Variants in KCNH7 observed in about 807,000 individuals in gnomAD.
KCNH7 encodes potassium voltage-gated channel subfamily H member 7.
In KCNH7, 49 loss-of-function variants were observed where a neutral mutation model predicts 120.8. That is an observed-to-expected ratio of 0.41 (90% CI 0.32 to 0.51). The LOEUF (loss-of-function observed/expected upper bound fraction) is 0.51. Among genes scored for constraint, KCNH7 ranks in the 20% least tolerant of loss-of-function variants. KCNH7 has a pLI of 0.38. For synonymous variants in KCNH7, 547 were observed against 516.1 expected (o/e 1.06, Z -0.81); for missense variants, 1,097 against 1,446.6 (o/e 0.76, Z 3.92).
intron 2 of KCNH7, among the ~76,000 whole-genome samples, chr2:162,620,094 A>G (rs1301274775): frequency 6.6e-6 from 1 of 151,280 alleles, no homozygotes; most frequent in Admixed American, 6.6e-5. Context: ...TATTCTCTCT[A>G]TAAAAAATCT....
At chr2:162,609,441 G>T (rs922072163) in intron 2 of KCNH7, among the ~76,000 whole-genome samples, 1 of 151,968 alleles carries the variant, frequency 6.6e-6, no homozygotes, top group Non-Finnish European at 1.5e-5. Flanking sequence ...ATACTTACAG[G>T]ATTTTTTAAG....
intron 2 of KCNH7, among the ~76,000 whole-genome samples, chr2:162,666,736 T>C (rs1413564489): frequency 6.6e-6 from 1 of 152,172 alleles, no homozygotes; most frequent in Non-Finnish European, 1.5e-5. Flanking sequence ...TTTGCTAACT[T>C]CTTGATCACA....
chr2:162,657,763 T>C (rs1015333194), intron 2 of KCNH7, among the ~76,000 whole-genome samples: 5 of 152,168 alleles, frequency 3.3e-5, no homozygotes, highest in South Asian at 2.1e-4. Flanking sequence ...TCTTCCAAAG[T>C]GACTGTACCA....
At chr2:162,749,058 T>C (rs1688451172) in intron 2 of KCNH7, among the ~76,000 whole-genome samples, 2 of 145,702 alleles carry the variant, frequency 1.4e-5, no homozygotes, top group Admixed American at 6.9e-5. Context: ...TTCTGAAGAG[T>C]TTTCAGAAGC....
chr2:162,448,297 G>C (rs1688653305), intron 6 of KCNH7, among the ~76,000 whole-genome samples: 1 of 152,140 alleles, frequency 6.6e-6, no homozygotes, highest in African/African-American at 2.4e-5. Context: ...AATATGTCAT[G>C]TTCCTTTCTA....
At chr2:162,373,322 G>T in intron 15 of KCNH7, 148 bp downstream of exon 15, 1 of 457,486 alleles carries the variant, frequency 2.2e-6, no homozygotes. Flanking sequence ...GCAGATTACA[G>T]GGCCCATTTC....
intron 2 of KCNH7, among the ~76,000 whole-genome samples, chr2:162,814,067 C>G (rs886819442): frequency 1.3e-5 from 2 of 152,080 alleles, no homozygotes; most frequent in African/African-American, 2.4e-5. Flanking sequence ...TGCCAAGCGA[C>G]CTTGGGCAAT....
Position 162,379,866 on chromosome 2 carries a change from C to A in KCNH7, c.3118G>T (p.Glu1040Ter). Residue 1040 changes from glutamate to a stop codon, truncating the protein, a stop_gained, in exon 14 of 16, where the codon GAG (glutamate) becomes TAG (stop). Coordinates refer to ENST00000332142, the MANE Select transcript of KCNH7 (RefSeq NM_033272.4). LOFTEE classifies it high-confidence loss of function. Reference protein sequence around the residue: ...EVEQRLDLLQEQLNRLESQMT... With the variant: ...EVEQRLDLLQ ...CACTGCTTATACCTGTTAAGTTGCT[C>A]CTGGAGCAGATCTAATCTTTGTTCC... 6.2e-7 allele frequency: 1 copy of A among 1,613,892 alleles called. No homozygotes were observed. Among genetic ancestry groups the A allele is most frequent in the Non-Finnish European group, 8.5e-7 (1 of 1,179,880 alleles).
At chr2:162,486,211 A>C (rs1484523141) in intron 6 of KCNH7, among the ~76,000 whole-genome samples, 1 of 152,138 alleles carries the variant, frequency 6.6e-6, no homozygotes, top group Non-Finnish European at 1.5e-5. Flanking sequence ...TGGGCCATTA[A>C]AGTGACATCC....
chr2:162,653,971 C>A (rs1263040556), intron 2 of KCNH7, among the ~76,000 whole-genome samples: 1 of 152,046 alleles, frequency 6.6e-6, no homozygotes, highest in African/African-American at 2.4e-5. Context: ...ACCCTTAAAT[C>A]AACACCATAT....
intron 2 of KCNH7, among the ~76,000 whole-genome samples, chr2:162,692,188 T>G (rs1180407365): frequency 2.0e-5 from 3 of 150,384 alleles, no homozygotes. Flanking sequence ...GTGAGTAGTG[T>G]GATCTCGGCT....
rs13016177 is a variant in KCNH7 at position 162,741,344 on chromosome 2, T to C, written c.307+95193A>G. On this transcript the variant is annotated intron_variant, in intron 2 of 15. Coordinates refer to ENST00000332142, the MANE Select transcript of KCNH7 (RefSeq NM_033272.4). The stretch of plus-strand genomic sequence containing the variant: ...TATTAATAACATATGTTATTAATTA[T>C]ACATATTAATAACATGCTATTTTCA... Among the ~76,000 whole-genome samples, 194 of 144,316 alleles carry C rather than the reference T, an allele frequency of 1.3e-3. 2 individuals are homozygous for C. Among genetic ancestry groups the C allele is most frequent in the South Asian group, 2.6e-3 (11 of 4,254 alleles). The allele number at this position is 144,316 out of a possible 152,430, so 94.7% of individuals were successfully genotyped here.
At chr2:162,462,758 GC>G (rs368951242) in intron 6 of KCNH7, among the ~76,000 whole-genome samples, 199 of 152,034 alleles carry the variant, frequency 1.3e-3, no homozygotes, top group African/African-American at 4.4e-3. Flanking sequence ...AAATTCTCAG[GC>G]CTGTGTTTTG....
intron 2 of KCNH7, among the ~76,000 whole-genome samples, chr2:162,695,066 T>A (rs1239775109): frequency 2.6e-5 from 4 of 152,106 alleles, no homozygotes; most frequent in African/African-American, 9.7e-5. Flanking sequence ...GCACCAGGCC[T>A]AGAAACCTGT....
At position 162,371,787 on chromosome 2, in the gene KCNH7, A is replaced by G. The variant is rs1384556988; in HGVS notation, c.*42T>C. On this transcript the variant is annotated 3_prime_UTR_variant, in exon 16 of 16. Coordinates refer to ENST00000332142, the MANE Select transcript of KCNH7 (RefSeq NM_033272.4). ...AAATAGAAAAAGGAAAACAGCCATTAAAAGCACTTACATTGTATGTGGAGT... is the reference window on the plus strand; with the variant it reads ...AAATAGAAAAAGGAAAACAGCCATTGAAAGCACTTACATTGTATGTGGAGT... 3 of 1,554,840 alleles carry G rather than the reference A, an allele frequency of 1.9e-6. No individual in the cohort carries two copies. Among genetic ancestry groups the G allele is most frequent in the Non-Finnish European group, 8.8e-7 (1 of 1,140,212 alleles).
rs111534341 is a variant in KCNH7, at chr2:162,434,888, G to C, written c.1954+310C>G. Among the ~76,000 whole-genome samples, 11 of 152,018 alleles carry C rather than the reference G, an allele frequency of 7.2e-5. 1 individual carries two copies. The highest frequency in any genetic ancestry group is 1.9e-4 in the African/African-American group (8 of 41,486). Reference sequence around the variant, plus strand: ...TCTAATCTAGCCTCAGCTTGAAATAGAAAATAACCATTGGTAATAAATTAC... The same window carrying C: ...TCTAATCTAGCCTCAGCTTGAAATACAAAATAACCATTGGTAATAAATTAC... On this transcript the variant is annotated intron_variant, in intron 8 of 15. Coordinates refer to ENST00000332142, the MANE Select transcript of KCNH7 (RefSeq NM_033272.4).
At chr2:162,538,545 T>C (rs1295337502) in intron 2 of KCNH7, among the ~76,000 whole-genome samples, 1 of 152,172 alleles carries the variant, frequency 6.6e-6, no homozygotes, top group East Asian at 1.9e-4. Flanking sequence ...CTGAAGGATC[T>C]TTTTGGGAGC....
intron 9 of KCNH7, among the ~76,000 whole-genome samples, chr2:162,408,785 A>G (rs1257372652): frequency 6.6e-6 from 1 of 151,888 alleles, no homozygotes; most frequent in African/African-American, 2.4e-5. Flanking sequence ...TAGTCACTAA[A>G]CTCTGATTAT....
intron 7 of KCNH7, 91 bp downstream of exon 7, chr2:162,445,927 C>G: frequency 1.0e-6 from 1 of 974,794 alleles, no homozygotes; most frequent in Admixed American, 2.8e-5. Flanking sequence ...ATACAAGAAG[C>G]TTGCAAAGCA....
Sources: allele counts gnomAD v4.1 joint callset (sites outside exome capture counted in the v4.1 genomes callset), GRCh38; gene constraint gnomAD v4.1.1; transcripts MANE v1.5; gene names NCBI Gene and HGNC (gene_info 2026-07-23, HGNC 2026-07-21).